Variants in PLCE1 observed in about 807,000 individuals in gnomAD.
PLCE1 encodes the protein 1-phosphatidylinositol 4,5-bisphosphate phosphodiesterase epsilon-1.
A neutral mutation model predicts 242.8 loss-of-function variants in PLCE1; 119 were observed. The observed-to-expected ratio is 0.49, with a 90% confidence interval of 0.42 to 0.57. The LOEUF is 0.57. Among genes scored for constraint, PLCE1 ranks in the 20% least tolerant of loss-of-function variants. The probability of loss-of-function intolerance (pLI) is 0.00; values close to 1 mark genes in which losing one functional copy is unlikely to be tolerated. For synonymous variants in PLCE1, 945 were observed against 1,017.4 expected, an observed-to-expected ratio of 0.93 and a Z score of 1.35; for missense variants, 2,441 against 2,788.8, an observed-to-expected ratio of 0.88 and a Z score of 2.81.
chr10:94,047,019 A>G (rs1019073392), intron 2 of PLCE1, among the ~76,000 whole-genome samples: 1 of 152,180 alleles, frequency 6.6e-6, no homozygotes, highest in South Asian at 2.1e-4. Context: ...TTTTTAAAAT[A>G]AAAAACCTTT....
At chr10:94,307,424 C>T (rs1037262518) in intron 26 of PLCE1, among the ~76,000 whole-genome samples, 1 of 152,214 alleles carries the variant, frequency 6.6e-6, no homozygotes, top group Non-Finnish European at 1.5e-5. Context: ...AGCTCACAAA[C>T]ACATTACAGT....
chr10:94,252,547 C>A, intron 9 of PLCE1, 49 bp downstream of exon 9: 1 of 1,475,400 alleles, frequency 6.8e-7, no homozygotes, highest in Non-Finnish European at 9.3e-7. Flanking sequence ...TCCAGGACCG[C>A]TGTATGGTGA....
At chr10:94,008,515 G>A (rs1306854399) in intron 1 of PLCE1, among the ~76,000 whole-genome samples, 1 of 152,042 alleles carries the variant, frequency 6.6e-6, no homozygotes, top group African/African-American at 2.4e-5. Flanking sequence ...CACTACATTG[G>A]CCAGGCTGGT....
intron 22 of PLCE1, among the ~76,000 whole-genome samples, chr10:94,289,986 C>G (rs1021778883): frequency 1.3e-5 from 2 of 152,016 alleles, no homozygotes; most frequent in Non-Finnish European, 2.9e-5. Flanking sequence ...AAAACACAAA[C>G]ACATTGTACA....
intron 24 of PLCE1, among the ~76,000 whole-genome samples, chr10:94,303,343 C>T (rs569511528): frequency 1.3e-5 from 2 of 152,284 alleles, no homozygotes; most frequent in South Asian, 4.1e-4. Flanking sequence ...TACAGACTTG[C>T]ACCATCAGGT....
chr10:94,186,252 A>T (rs1456020786), intron 4 of PLCE1, among the ~76,000 whole-genome samples: 1 of 152,194 alleles, frequency 6.6e-6, no homozygotes, highest in Non-Finnish European at 1.5e-5. Context: ...CTCCGCTCTT[A>T]ATTCCTGCTA....
At chr10:94,179,512 G>GTTTTTTTTTTTTTTTTGT in intron 4 of PLCE1, among the ~76,000 whole-genome samples, 1 of 19,400 alleles carries the variant, frequency 5.2e-5, no homozygotes, top group Non-Finnish European at 1.0e-4. Context: ...TTTTAGTTTA[G>GTTTTTTTTTTTTTTTTGT]TTTTTTTTTT....
chr10:94,058,151 G>A (rs2043956225), intron 2 of PLCE1, among the ~76,000 whole-genome samples: 1 of 152,162 alleles, frequency 6.6e-6, no homozygotes, highest in Non-Finnish European at 1.5e-5. Flanking sequence ...ATGTCAAAGA[G>A]ACATTTTTTT....
At chr10:94,139,574 T>C (rs2046890665) in intron 3 of PLCE1, 2 of 152,304 alleles carry the variant, frequency 1.3e-5, no homozygotes, top group Non-Finnish European at 2.9e-5. Context: ...TCTATTTCTC[T>C]AGACTATTAG....
chr10:94,306,475 T>C lies in PLCE1; in HGVS notation c.5671T>C (p.Cys1891Arg). 1 of 1,614,162 alleles carries C rather than the reference T, an allele frequency of 6.2e-7. No homozygotes were observed. Among genetic ancestry groups the C allele is most frequent in the Non-Finnish European group, 8.5e-7 (1 of 1,180,004 alleles). ...VCPSNSMGSP[C>R]IEVDVLGMPL... ...CCCCAGTAATAGCATGGGAAGCCCG[T>C]GCATTGAAGTCGACGTCCTGGGCAT... The change falls in exon 26 of 33, where the codon TGC becomes CGC. Residue 1891 changes from cysteine to arginine, a missense_variant. Physicochemically the swap from Cys to Arg is radical, Grantham distance 180. This residue lies in a region of PLCE1 where 1,004 missense variants were observed against 1,322.7 expected (regional missense o/e 0.76). Transcript: ENST00000371380. The surrounding 1 kb of genome is among the most constrained non-coding windows in gnomAD (Gnocchi z 5.7).
intron 22 of PLCE1, 52 bp from the exon 23 acceptor site, chr10:94,293,456 A>G (rs1300030368): frequency 1.3e-6 from 2 of 1,594,848 alleles, no homozygotes; most frequent in Non-Finnish European, 1.7e-6. Context: ...GAAAATGTTG[A>G]GTTGCCTTGC....
At chr10:94,265,753 A>G (rs1174890198) in intron 15 of PLCE1, 40 bp from the exon 16 acceptor site, 27 of 1,613,524 alleles carry the variant, frequency 1.7e-5, no homozygotes, top group Non-Finnish European at 2.1e-5. Context: ...GAGTAGATGC[A>G]TTTTTCCCAT....
intron 3 of PLCE1, among the ~76,000 whole-genome samples, chr10:94,158,949 T>G (rs2797982): frequency 5.4e-5 from 8 of 149,176 alleles, no homozygotes; most frequent in Non-Finnish European, 1.2e-4. Flanking sequence ...CTCCGCCTCC[T>G]GGGTTCGAGC....
chr10:94,008,664 A>G (rs1322433766), intron 1 of PLCE1, among the ~76,000 whole-genome samples: 1 of 152,088 alleles, frequency 6.6e-6, no homozygotes, highest in African/African-American at 2.4e-5. Context: ...CCTTGTTTCC[A>G]ACTTTTACAT....
intron 27 of PLCE1, among the ~76,000 whole-genome samples, chr10:94,311,662 T>C (rs528340580): frequency 2.6e-4 from 40 of 152,328 alleles, no homozygotes; most frequent in African/African-American, 9.1e-4. Flanking sequence ...CTTTATTGCC[T>C]TGGCCCTGGT....
At chr10:94,044,911 A>C (rs2061847384) in intron 2 of PLCE1, among the ~76,000 whole-genome samples, 1 of 152,226 alleles carries the variant, frequency 6.6e-6, no homozygotes, top group Non-Finnish European at 1.5e-5. Context: ...AATTCAGGTG[A>C]ATGCTTTTCT....
At chr10:94,197,936 T>C (rs2048871380) in intron 4 of PLCE1, among the ~76,000 whole-genome samples, 1 of 133,550 alleles carries the variant, frequency 7.5e-6, no homozygotes, top group Non-Finnish European at 1.5e-5. Flanking sequence ...TGAGCCAAGA[T>C]TGCACCATTG....
intron 2 of PLCE1, chr10:94,089,413 T>A: frequency 1.3e-6 from 2 of 1,499,132 alleles, no homozygotes; most frequent in Non-Finnish European, 1.8e-6. Context: ...CCCCCAGTGT[T>A]CTTAATGCAT....
At chr10:94,081,041 G>A (rs1462165098) in intron 2 of PLCE1, among the ~76,000 whole-genome samples, 2 of 152,192 alleles carry the variant, frequency 1.3e-5, no homozygotes, top group African/African-American at 4.8e-5. Flanking sequence ...ATTTTGGCTA[G>A]ATTATGGGAG....
Sources: allele counts gnomAD v4.1 joint callset (sites outside exome capture counted in the v4.1 genomes callset), GRCh38; gene constraint gnomAD v4.1.1; regional missense constraint gnomAD v4.1.1; non-coding constraint Gnocchi (gnomAD v3.1); transcripts MANE v1.5; gene names NCBI Gene and HGNC (gene_info 2026-07-23, HGNC 2026-07-21).